PRR16: variants seen among roughly 807,000 people sequenced by gnomAD.
The protein encoded by PRR16 is proline rich 16.
In PRR16, 6 loss-of-function variants were observed where a neutral mutation model predicts 18.2. The ratio of observed to expected loss-of-function variants is 0.33; its 90% confidence interval spans 0.18 to 0.65. The LOEUF is 0.65. Among genes scored for constraint, PRR16 ranks in the 30% least tolerant of loss-of-function variants. The probability of loss-of-function intolerance (pLI) is 0.74; values close to 1 mark genes in which losing one functional copy is unlikely to be tolerated. For synonymous variants in PRR16, 151 were observed against 147.8 expected (o/e 1.02, Z -0.16); for missense variants, 412 against 376.6 (o/e 1.09, Z -0.78).
chr5:120,485,971 A>C (rs1017061105), intron 1 of PRR16, among the ~76,000 whole-genome samples: 11 of 152,166 alleles, frequency 7.2e-5, no homozygotes, highest in Non-Finnish European at 1.0e-4. Flanking sequence ...CCTACAAAGG[A>C]CATGAACTCA....
At chr5:120,741,397 A>T in the PRR16 span, among the ~76,000 whole-genome samples, 1 of 152,058 alleles carries the variant, frequency 6.6e-6, no homozygotes, top group Admixed American at 6.5e-5. Context: ...ATGCAACCAT[A>T]TCTATCATCT....
At chr5:120,666,686 C>G (rs1756389642) in intron 1 of PRR16, among the ~76,000 whole-genome samples, 1 of 149,494 alleles carries the variant, frequency 6.7e-6, no homozygotes, top group Non-Finnish European at 1.5e-5. Context: ...TGAATTTTGT[C>G]AAAGGCCTTT....
intron 1 of PRR16, among the ~76,000 whole-genome samples, chr5:120,673,531 C>G: frequency 6.6e-6 from 1 of 152,144 alleles, no homozygotes; most frequent in East Asian, 1.9e-4. Flanking sequence ...TTAAAGGCTA[C>G]AAGTGTCTGT....
At chr5:120,653,887 C>T (rs1359663215) in intron 1 of PRR16, among the ~76,000 whole-genome samples, 4 of 152,002 alleles carry the variant, frequency 2.6e-5, no homozygotes, top group Non-Finnish European at 5.9e-5. Flanking sequence ...CATGACCCCT[C>T]CTCACTATCT....
chr5:120,512,093 T>C (rs923236527), intron 1 of PRR16, among the ~76,000 whole-genome samples: 1 of 152,190 alleles, frequency 6.6e-6, no homozygotes, highest in Non-Finnish European at 1.5e-5. Context: ...TTCACAAACT[T>C]TCCCTACCAC....
the PRR16 span, among the ~76,000 whole-genome samples, chr5:120,756,810 T>C: frequency 2.0e-5 from 3 of 152,136 alleles, no homozygotes; most frequent in Non-Finnish European, 4.4e-5. Flanking sequence ...TAGGTCCTAC[T>C]TGTCAATTTT....
intron 1 of PRR16, among the ~76,000 whole-genome samples, chr5:120,489,043 A>G (rs190550412): frequency 2.6e-4 from 39 of 152,272 alleles, no homozygotes; most frequent in Non-Finnish European, 4.4e-5. Flanking sequence ...CTGTTCTTTT[A>G]CATTTGCTGA....
chr5:120,529,971 G>A (rs1751491671), intron 1 of PRR16, among the ~76,000 whole-genome samples: 1 of 150,822 alleles, frequency 6.6e-6, no homozygotes, highest in African/African-American at 2.4e-5. Flanking sequence ...TTGAGTTTTG[G>A]GTGCTGGGAG....
intron 1 of PRR16, among the ~76,000 whole-genome samples, chr5:120,499,610 C>G (rs753844999): frequency 6.6e-6 from 1 of 152,114 alleles, no homozygotes; most frequent in Non-Finnish European, 1.5e-5. Flanking sequence ...TGACTCCTCT[C>G]TATATCTTAT....
intron 1 of PRR16, among the ~76,000 whole-genome samples, chr5:120,579,797 G>C (rs1174161183): frequency 1.3e-5 from 2 of 152,082 alleles, no homozygotes; most frequent in African/African-American, 4.8e-5. Context: ...GTAGTTTGAT[G>C]GGAATAGCAT....
intron 1 of PRR16, among the ~76,000 whole-genome samples, chr5:120,608,494 A>T (rs1754228878): frequency 1.3e-5 from 2 of 152,228 alleles, no homozygotes; most frequent in Admixed American, 1.3e-4. Context: ...AAAGACAAAA[A>T]TATAGACATG....
chr5:120,637,595 T>C (rs1367596969), intron 1 of PRR16, among the ~76,000 whole-genome samples: 1 of 151,808 alleles, frequency 6.6e-6, no homozygotes, highest in African/African-American at 2.4e-5. Context: ...GGAGCTAAGT[T>C]ATGAGGATGC....
At chr5:120,592,655 C>A (rs952460330) in intron 1 of PRR16, among the ~76,000 whole-genome samples, 4 of 152,066 alleles carry the variant, frequency 2.6e-5, no homozygotes, top group Non-Finnish European at 5.9e-5. Flanking sequence ...TGTAACCCAT[C>A]CCTATGAAGA....
Position 120,588,647 on chromosome 5 carries a change from G to A in PRR16, c.160-97307G>A, listed in dbSNP as rs149997307. ...AGTATAAAGTTGATTTTTATATGCA[G>A]TGGGAAACAGAAAAAATAGTATGGC... On this transcript the variant is annotated intron_variant, in intron 1 of 1. Coordinates refer to ENST00000407149, the MANE Select transcript of PRR16 (RefSeq NM_001300783.2). Among the ~76,000 whole-genome samples, 740 of 152,246 alleles carry A rather than the reference G, an allele frequency of 4.9e-3. 5 individuals carry two copies. Among genetic ancestry groups the A allele is most frequent in the African/African-American group, 0.015 (641 of 41,546 alleles).
At chr5:120,713,291 C>A in the PRR16 span, among the ~76,000 whole-genome samples, 1 of 152,008 alleles carries the variant, frequency 6.6e-6, no homozygotes, top group South Asian at 2.1e-4. Context: ...ACTCTTGTAA[C>A]CTAGATACAT....
chr5:120,794,099 A>T, the PRR16 span, among the ~76,000 whole-genome samples: 4 of 152,122 alleles, frequency 2.6e-5, no homozygotes, highest in African/African-American at 9.7e-5. Flanking sequence ...TTTTCCTCCC[A>T]CCACCAAGTC....
chr5:120,757,299 G>A, the PRR16 span, among the ~76,000 whole-genome samples: 1 of 152,018 alleles, frequency 6.6e-6, no homozygotes, highest in Non-Finnish European at 1.5e-5. Context: ...TGGCTATGCA[G>A]GTTCTTTTTT....
chr5:120,638,275 G>T (rs1238102962), intron 1 of PRR16, among the ~76,000 whole-genome samples: 4 of 152,016 alleles, frequency 2.6e-5, no homozygotes, highest in Admixed American at 2.6e-4. Context: ...TTAGATTAAG[G>T]ATGCCCAACC....
intron 1 of PRR16, among the ~76,000 whole-genome samples, chr5:120,570,629 G>A (rs1752876650): frequency 6.6e-6 from 1 of 151,980 alleles, no homozygotes. Context: ...TACTCATAAT[G>A]GCAAATCTGA....
Sources: allele counts gnomAD v4.1 joint callset (sites outside exome capture counted in the v4.1 genomes callset), GRCh38; gene constraint gnomAD v4.1.1; transcripts MANE v1.5; gene names NCBI Gene and HGNC (gene_info 2026-07-23, HGNC 2026-07-21).